The following PAK1 variants were observed in gnomAD, a reference collection of about 807,000 sequenced individuals.
The protein encoded by PAK1 is p21 (RAC1) activated kinase 1, also known as serine/threonine-protein kinase PAK 1.
Under a neutral mutation model 67.4 loss-of-function variants are expected in PAK1, and 29 were observed. That is an observed-to-expected ratio of 0.43 (90% CI 0.32 to 0.59). The LOEUF is 0.59. Among genes scored for constraint, PAK1 ranks in the 20% least tolerant of loss-of-function variants. The pLI is 0.07. For missense variants in PAK1, 337 were observed against 670.7 expected, an observed-to-expected ratio of 0.50 and a Z score of 5.50; for synonymous variants, 223 against 237.4, an observed-to-expected ratio of 0.94 and a Z score of 0.56.
the PAK1 span, among the ~76,000 whole-genome samples, chr11:77,487,211 A>T: frequency 2.0e-5 from 3 of 152,148 alleles, no homozygotes; most frequent in Admixed American, 2.0e-4. Context: ...CCAGAAGGGA[A>T]CATGCTGCCT....
intron 2 of PAK1, among the ~76,000 whole-genome samples, chr11:77,383,545 G>A (rs139483363): frequency 0.02 from 3,090 of 152,052 alleles, 104 homozygotes; most frequent in African/African-American, 0.07. Context: ...GGCTGGTCTC[G>A]AACTCCTGAA....
chr11:77,519,555 C>G, the PAK1 span, among the ~76,000 whole-genome samples: 1 of 152,220 alleles, frequency 6.6e-6, no homozygotes, highest in Non-Finnish European at 1.5e-5. Flanking sequence ...TCAGCCGGAT[C>G]TCTCTATTGT....
chr11:77,524,718 T>C, the PAK1 span, among the ~76,000 whole-genome samples: 1 of 152,028 alleles, frequency 6.6e-6, no homozygotes, highest in Non-Finnish European at 1.5e-5. Context: ...GTTGAAAGAA[T>C]GAATGAATGA....
chr11:77,339,184 C>G (rs192679675), intron 11 of PAK1, among the ~76,000 whole-genome samples: 1 of 152,166 alleles, frequency 6.6e-6, no homozygotes, highest in African/African-American at 2.4e-5. Flanking sequence ...GCTTTTTGAT[C>G]CATATAGCAC....
At chr11:77,340,182 A>G (rs1943371895) in intron 11 of PAK1, among the ~76,000 whole-genome samples, 1 of 152,116 alleles carries the variant, frequency 6.6e-6, no homozygotes, top group African/African-American at 2.4e-5. Flanking sequence ...TGTTTACTCA[A>G]ATCTATAGCA....
At chr11:77,424,868 T>C (rs1400000528) in intron 1 of PAK1, among the ~76,000 whole-genome samples, 1 of 152,244 alleles carries the variant, frequency 6.6e-6, no homozygotes, top group Non-Finnish European at 1.5e-5. Flanking sequence ...AGCCAGACTA[T>C]ATGTCCCCTT....
chr11:77,335,412 T>A (rs532461391), intron 13 of PAK1, among the ~76,000 whole-genome samples: 2 of 152,164 alleles, frequency 1.3e-5, no homozygotes, highest in Non-Finnish European at 2.9e-5. Context: ...TTAAGTATGC[T>A]CTTCACCATT....
intron 14 of PAK1, among the ~76,000 whole-genome samples, chr11:77,328,399 A>T (rs1439485113): frequency 6.6e-6 from 1 of 152,200 alleles, no homozygotes; most frequent in Non-Finnish European, 1.5e-5. Context: ...AGCACTCCTC[A>T]GCAAATGTAA....
chr11:77,368,884 T>C (rs1435781389), intron 5 of PAK1, among the ~76,000 whole-genome samples: 2 of 152,146 alleles, frequency 1.3e-5, no homozygotes, highest in African/African-American at 4.8e-5. Flanking sequence ...TTTAAGTGAG[T>C]ATTCTTAATC....
chr11:77,324,806 GAA>G (rs145000920), intron 14 of PAK1, among the ~76,000 whole-genome samples: 8,363 of 151,696 alleles, frequency 0.055, 560 homozygotes, highest in African/African-American at 0.16. Context: ...GAGAGAGAGA[GAA>G]AGAGAAAGAG....
In PAK1 at chr11:77,407,037, T is replaced by A. The variant is rs1412465485; in HGVS notation, c.-21-14496A>T. Among the ~76,000 whole-genome samples, 4 of 152,178 alleles carry A rather than the reference T, an allele frequency of 2.6e-5. No homozygotes were observed. In the South Asian group the frequency reaches 8.3e-4, roughly 32 times the overall value. ...AGCTATTACGTGCCTACTATATAATTATTATTATTTTTTTATATGATTATT... is the reference window on the plus strand; with the variant it reads ...AGCTATTACGTGCCTACTATATAATAATTATTATTTTTTTATATGATTATT... On this transcript the variant is annotated intron_variant, in intron 1 of 14. Coordinates refer to ENST00000356341, the MANE Select transcript of PAK1 (RefSeq NM_002576.5).
the PAK1 span, among the ~76,000 whole-genome samples, chr11:77,500,482 A>C: frequency 6.6e-6 from 1 of 152,060 alleles, no homozygotes; most frequent in East Asian, 1.9e-4. Flanking sequence ...AAGAAAAAAA[A>C]GTCGAAACAT....
intron 7 of PAK1, 119 bp from the exon 8 acceptor site, chr11:77,353,718 A>C: frequency 1.3e-6 from 1 of 747,930 alleles, no homozygotes; most frequent in Non-Finnish European, 2.3e-6. Flanking sequence ...AATAGCCAAA[A>C]AGCATGCTAA....
chr11:77,419,384 C>G (rs1955137689), intron 1 of PAK1, among the ~76,000 whole-genome samples: 1 of 152,166 alleles, frequency 6.6e-6, no homozygotes, highest in South Asian at 2.1e-4. Flanking sequence ...ACAAATTATT[C>G]TTATAAGTCA....
At chr11:77,407,956 G>T (rs754111741) in intron 1 of PAK1, among the ~76,000 whole-genome samples, 1 of 152,098 alleles carries the variant, frequency 6.6e-6, no homozygotes, top group Non-Finnish European at 1.5e-5. Flanking sequence ...CCAAAAGTAG[G>T]CAGAAAAGAG....
intron 11 of PAK1, 126 bp downstream of exon 11, chr11:77,340,520 C>A (rs1459493148): frequency 1.5e-6 from 1 of 689,620 alleles, no homozygotes; most frequent in Admixed American, 2.1e-5. Context: ...GGAATGATAG[C>A]AGTGTCAGCA....
intron 1 of PAK1, among the ~76,000 whole-genome samples, chr11:77,462,099 G>C (rs990480017): frequency 6.6e-6 from 1 of 152,134 alleles, no homozygotes; most frequent in South Asian, 2.1e-4. Context: ...GGCCGAAGCG[G>C]GTGGATCACA....
At chr11:77,507,231 G>T in the PAK1 span, among the ~76,000 whole-genome samples, 1 of 152,140 alleles carries the variant, frequency 6.6e-6, no homozygotes, top group Non-Finnish European at 1.5e-5. Context: ...ACCTTAGAGA[G>T]ACTGATGAGT....
chr11:77,484,619 G>A, the PAK1 span, among the ~76,000 whole-genome samples: 4 of 152,312 alleles, frequency 2.6e-5, no homozygotes, highest in African/African-American at 9.6e-5. Context: ...GCCTATTGCT[G>A]CCAGGAAGAA....
Sources: allele counts gnomAD v4.1 joint callset (sites outside exome capture counted in the v4.1 genomes callset), GRCh38; gene constraint gnomAD v4.1.1; transcripts MANE v1.5; gene names NCBI Gene and HGNC (gene_info 2026-07-23, HGNC 2026-07-21).